Variants in MYOCD observed in about 807,000 individuals in gnomAD.
MYOCD encodes the protein myocardin.
A neutral mutation model predicts 96.1 loss-of-function variants in MYOCD; 32 were observed. That is an observed-to-expected ratio of 0.33 (90% CI 0.25 to 0.45). MYOCD has a LOEUF of 0.45. Among genes scored for constraint, MYOCD ranks in the 20% least tolerant of loss-of-function variants. The probability of loss-of-function intolerance (pLI) is 1.00; values close to 1 mark genes in which losing one functional copy is unlikely to be tolerated. For missense variants in MYOCD, 1,133 were observed against 1,200.6 expected, an observed-to-expected ratio of 0.94 and a Z score of 0.83; for synonymous variants, 469 against 469.0, an observed-to-expected ratio of 1.00 and a Z score of 0.00.
intron 5 of MYOCD, among the ~76,000 whole-genome samples, chr17:12,726,709 T>A (rs1018596896): frequency 1.3e-5 from 2 of 152,228 alleles, no homozygotes; most frequent in Non-Finnish European, 2.9e-5. Context: ...GATTTAAATG[T>A]CAAACCTACA....
In MYOCD at chr17:12,768,899, A is replaced by C. The variant is rs2033410999; in HGVS notation, c.*5255A>C. ...AGTTGGCATGTGTTCTTTTTTAAAA[A>C]AAAAAAAAAATGCATATATTTTTAA... On this transcript the variant is annotated 3_prime_UTR_variant, in exon 14 of 14. Transcript: ENST00000425538. 6.6e-6 allele frequency: 1 copy of C among 151,664 alleles called. No individual in the cohort carries two copies. Among genetic ancestry groups the C allele is most frequent in the Admixed American group, 6.6e-5 (1 of 15,256 alleles). 9.4% of individuals were successfully genotyped at this position (151,664 alleles called of 1,614,324 possible).
In MYOCD at chr17:12,678,018, G is replaced by A. The variant is rs560419457; in HGVS notation, c.55+11775G>A. On this transcript the variant is annotated intron_variant, in intron 1 of 13. Coordinates refer to ENST00000425538, the MANE Select transcript of MYOCD (RefSeq NM_001146312.3). ...AGCGATTCTCCTGCCTCAGCCTCTC[G>A]AGTAGCTGGGACTGCAGGCGTGCAC... Among the ~76,000 whole-genome samples, 144 of 150,020 alleles carry A rather than the reference G, an allele frequency of 9.6e-4. 3 individuals are homozygous for A. In the South Asian group the frequency reaches 0.027, roughly 29 times the overall value.
chr17:12,744,567 A>G, intron 8 of MYOCD, 131 bp downstream of exon 8: 1 of 1,300,468 alleles, frequency 7.7e-7, no homozygotes, highest in Non-Finnish European at 1.0e-6. Flanking sequence ...GTATGTTTGG[A>G]AGGTGACTCA....
At chr17:12,719,618 C>T (rs1350940084) in intron 4 of MYOCD, among the ~76,000 whole-genome samples, 4 of 149,264 alleles carry the variant, frequency 2.7e-5, no homozygotes, top group Middle Eastern at 3.6e-3. Flanking sequence ...TTTGGGAGGC[C>T]GAGGCGGGCG....
chr17:12,687,648 G>A (rs1387150166), intron 1 of MYOCD, among the ~76,000 whole-genome samples: 1 of 152,054 alleles, frequency 6.6e-6, no homozygotes, highest in Non-Finnish European at 1.5e-5. Flanking sequence ...ATTAATTTAT[G>A]TTCGAAAAAA....
At position 12,767,264 on chromosome 17, in the gene MYOCD, C is replaced by T. The variant is rs2033366504; in HGVS notation, c.*3620C>T. ...TAATAGAGGGTCTGAGAACTGTCAG[C>T]CTTTTGCCATTCAAAAACATTTATG... On this transcript the variant is annotated 3_prime_UTR_variant, in exon 14 of 14. Coordinates refer to ENST00000425538, the MANE Select transcript of MYOCD (RefSeq NM_001146312.3). 6.6e-6 allele frequency: 1 copy of T among 152,122 alleles called. No individual in the cohort carries two copies. The allele number at this position is 152,122 out of a possible 1,614,324, so 9.4% of individuals were successfully genotyped here.
At chr17:12,728,125 GA>G (rs2032055616) in intron 5 of MYOCD, among the ~76,000 whole-genome samples, 1 of 152,198 alleles carries the variant, frequency 6.6e-6, no homozygotes, top group African/African-American at 2.4e-5. Flanking sequence ...CATGAGAACA[GA>G]AATGATATCC....
At position 12,728,937 on chromosome 17, in the gene MYOCD, T is replaced by A. The variant is rs370222298; in HGVS notation, c.415+5929T>A. On this transcript the variant is annotated intron_variant, in intron 5 of 13. Transcript: ENST00000425538. ...CACCCATTTCTATCATTTACATTTATAAAAGATCCTGTGCTAGTCACTGCT... is the reference window on the plus strand; with the variant it reads ...CACCCATTTCTATCATTTACATTTAAAAAAGATCCTGTGCTAGTCACTGCT... Among the ~76,000 whole-genome samples, 32 of 152,342 alleles carry A rather than the reference T, an allele frequency of 2.1e-4. No individual in the cohort carries two copies. In the South Asian group the frequency reaches 6.0e-3, roughly 29 times the overall value.
At chr17:12,684,334 A>T (rs1445774181) in intron 1 of MYOCD, among the ~76,000 whole-genome samples, 1 of 152,142 alleles carries the variant, frequency 6.6e-6, no homozygotes, top group African/African-American at 2.4e-5. Context: ...CTGCTCAAAA[A>T]CATGCCGGTG....
At chr17:12,698,727 C>A (rs1329679335) in intron 1 of MYOCD, among the ~76,000 whole-genome samples, 1 of 131,888 alleles carries the variant, frequency 7.6e-6, no homozygotes, top group Non-Finnish European at 1.6e-5. Flanking sequence ...CTACCAGACC[C>A]TCTTTTTTTT....
intron 1 of MYOCD, among the ~76,000 whole-genome samples, chr17:12,673,358 CT>C (rs1488024272): frequency 6.6e-6 from 1 of 152,094 alleles, no homozygotes; most frequent in Non-Finnish European, 1.5e-5. Flanking sequence ...TCTTTCTGTC[CT>C]GGTCCAGTTG....
chr17:12,680,912 C>A (rs1910419917), intron 1 of MYOCD, among the ~76,000 whole-genome samples: 1 of 152,096 alleles, frequency 6.6e-6, no homozygotes, highest in Non-Finnish European at 1.5e-5. Context: ...TTCCCTACAC[C>A]CCAATAGAGC....
At chr17:12,718,036 C>T (rs1242602853) in intron 4 of MYOCD, among the ~76,000 whole-genome samples, 1 of 152,122 alleles carries the variant, frequency 6.6e-6, no homozygotes, top group African/African-American at 2.4e-5. Context: ...ACAGAATCCC[C>T]GAGACCATTG....
intron 1 of MYOCD, among the ~76,000 whole-genome samples, chr17:12,676,020 G>A (rs1021272757): frequency 2.0e-5 from 3 of 151,838 alleles, no homozygotes; most frequent in Admixed American, 1.3e-4. Flanking sequence ...AACTGTATTC[G>A]TATCTACATA....
chr17:12,757,628 C>T (rs2033050329), intron 11 of MYOCD, among the ~76,000 whole-genome samples: 2 of 152,182 alleles, frequency 1.3e-5, no homozygotes, highest in South Asian at 2.1e-4. Flanking sequence ...TCCCAAGTAG[C>T]TGGGATTACA....
intron 4 of MYOCD, among the ~76,000 whole-genome samples, chr17:12,718,045 T>C (rs1185128397): frequency 3.9e-5 from 6 of 152,076 alleles, no homozygotes; most frequent in Admixed American, 3.3e-4. Context: ...CCGAGACCAT[T>C]GGTGCCCACC....
intron 2 of MYOCD, among the ~76,000 whole-genome samples, chr17:12,708,991 A>T (rs544331824): frequency 6.6e-6 from 1 of 152,356 alleles, no homozygotes. Context: ...AATGCCAAAG[A>T]TAAAACAATG....
Position 12,753,236 on chromosome 17 carries a change from A to C in MYOCD, c.1948A>C (p.Ser650Arg). ...GGCTGTGAAAAGCCCACAGCACATC[A>C]GTTTGCCCCCATCACCCAACAACCC... The part of the protein sequence containing the change: ...LGAVKSPQHI[S>R]LPPSPNNPHF... The change falls in exon 10 of 14, where the codon AGT becomes CGT. Residue 650 changes from serine (S) to arginine (R), a missense_variant. Ser to Arg is a moderately radical substitution (Grantham distance 110). Transcript: ENST00000425538. 6.2e-7 allele frequency: 1 copy of C among 1,614,126 alleles called. No homozygotes were observed. Among genetic ancestry groups the C allele is most frequent in the East Asian group, 2.2e-5 (1 of 44,868 alleles).
intron 1 of MYOCD, among the ~76,000 whole-genome samples, chr17:12,668,478 T>C (rs1409647248): frequency 1.3e-5 from 2 of 152,246 alleles, no homozygotes; most frequent in Non-Finnish European, 2.9e-5. Flanking sequence ...TACTCTGAAA[T>C]CATCATCGAT....
Sources: gnomAD v4.1 joint callset for allele counts (sites outside exome capture counted in the v4.1 genomes callset) on GRCh38, gnomAD v4.1.1 for gene constraint, MANE v1.5 for transcripts, NCBI Gene and HGNC (gene_info 2026-07-23, HGNC 2026-07-21) for gene names.